Variants in FSTL5 observed in about 807,000 individuals in gnomAD.
FSTL5 encodes the protein follistatin-related protein 5.
In FSTL5, 62 loss-of-function variants were observed where a neutral mutation model predicts 89.1. The ratio of observed to expected loss-of-function variants is 0.70; its 90% CI spans 0.57 to 0.86. The LOEUF is 0.86. Among genes scored for constraint, FSTL5 ranks in the 40% least tolerant of loss-of-function variants. The probability of loss-of-function intolerance (pLI) is 0.00; values close to 1 mark genes in which losing one functional copy is unlikely to be tolerated. For synonymous variants in FSTL5, 383 were observed against 346.2 expected, an observed-to-expected ratio of 1.11 and a Z score of -1.18; for missense variants, 1,057 against 1,001.6, an observed-to-expected ratio of 1.06 and a Z score of -0.75.
intron 6 of FSTL5, among the ~76,000 whole-genome samples, chr4:161,729,465 T>C (rs1337314549): frequency 6.6e-6 from 1 of 152,160 alleles, no homozygotes; most frequent in Non-Finnish European, 1.5e-5. Flanking sequence ...CACTTCTGAA[T>C]GACTCTGCCC....
At chr4:161,605,326 T>C (rs1399099953) in intron 7 of FSTL5, among the ~76,000 whole-genome samples, 6 of 152,180 alleles carry the variant, frequency 3.9e-5, no homozygotes, top group Admixed American at 2.6e-4. Flanking sequence ...CTGAGCCACA[T>C]TGATACATTT....
In FSTL5 at chr4:162,159,128, TAAA is replaced by T. The variant is rs547404921; in HGVS notation, c.-17+4484_-17+4486del. Among the ~76,000 whole-genome samples the T allele has an allele frequency of 4.0e-4, 61 of 152,188 alleles. No homozygotes were observed. The East Asian group carries it at 9.3e-3, about 23-fold the overall frequency. On this transcript the variant is annotated intron_variant, in intron 1 of 15. Coordinates refer to ENST00000306100, the MANE Select transcript of FSTL5 (RefSeq NM_020116.5). Reference sequence around the variant, plus strand: ...ATTTACTTTTAGGGTTTTGGAATTTTAAAAATAATAATAACTCAAGAGACAAAA... The same window carrying T: ...ATTTACTTTTAGGGTTTTGGAATTTTAATAATAATAACTCAAGAGACAAAA...
At chr4:162,160,562 G>A (rs374600518) in intron 1 of FSTL5, among the ~76,000 whole-genome samples, 2 of 151,732 alleles carry the variant, frequency 1.3e-5, no homozygotes, top group South Asian at 2.1e-4. Context: ...TAAAAAATAC[G>A]AGAGATACTA....
chr4:161,847,417 G>C (rs890623409), intron 4 of FSTL5, among the ~76,000 whole-genome samples: 4 of 152,084 alleles, frequency 2.6e-5, no homozygotes, highest in African/African-American at 9.7e-5. Context: ...GCATACATGG[G>C]TTGGTTAAGT....
intron 1 of FSTL5, among the ~76,000 whole-genome samples, chr4:162,123,579 C>G (rs573181758): frequency 6.7e-6 from 1 of 150,220 alleles, no homozygotes; most frequent in African/African-American, 2.4e-5. Context: ...CGTTTGCTCA[C>G]TCAACTGAAG....
chr4:161,421,548 T>C (rs560745358), intron 15 of FSTL5, among the ~76,000 whole-genome samples: 2 of 152,042 alleles, frequency 1.3e-5, no homozygotes, highest in East Asian at 3.9e-4. Flanking sequence ...TGAAAAGGAG[T>C]GGACCTGTGA....
At chr4:162,110,396 T>C (rs1731388939) in intron 2 of FSTL5, among the ~76,000 whole-genome samples, 1 of 151,946 alleles carries the variant, frequency 6.6e-6, no homozygotes, top group Non-Finnish European at 1.5e-5. Context: ...TATTTGATAC[T>C]TACAAAATAA....
intron 4 of FSTL5, among the ~76,000 whole-genome samples, chr4:161,843,945 G>T (rs1392387782): frequency 6.6e-6 from 1 of 152,102 alleles, no homozygotes; most frequent in Admixed American, 6.6e-5. Context: ...ATTGACAAAT[G>T]GAATCTAATT....
At chr4:162,095,520 A>C (rs954145512) in intron 2 of FSTL5, among the ~76,000 whole-genome samples, 2 of 152,080 alleles carry the variant, frequency 1.3e-5, no homozygotes, top group African/African-American at 4.8e-5. Flanking sequence ...GAGGTGAATA[A>C]GGGACTTTAT....
At chr4:162,041,676 T>A (rs1029121933) in intron 2 of FSTL5, among the ~76,000 whole-genome samples, 22 of 151,992 alleles carry the variant, frequency 1.4e-4, no homozygotes, top group Non-Finnish European at 2.8e-4. Flanking sequence ...AGAGAACTTG[T>A]GATTGGGTTG....
chr4:161,510,422 C>A lies in FSTL5; in HGVS notation c.1315G>T (p.Ala439Ser). The A allele has an allele frequency of 6.5e-7, 1 of 1,531,836 alleles. No individual in the cohort carries two copies. Among genetic ancestry groups the A allele is most frequent in the South Asian group, 1.3e-5 (1 of 79,198 alleles). The allele number at this position is 1,531,836 out of a possible 1,614,324, so 94.9% of individuals were successfully genotyped here. ...FVEDSARKTL[A>S]NILWREEGLG... ...CCTTCTTCTCTCCATAATATGTTAG[C>A]TACTGCAGCATGTTGAAAGAAAAAG... Residue 439 changes from alanine to serine, a missense_variant and splice_region_variant, in exon 11 of 16, where the codon GCT becomes TCT. By Grantham distance (99) the Ala-to-Ser change is moderately conservative. This residue lies in a region of FSTL5 where 980 missense variants were observed against 903.2 expected (regional missense o/e 1.08). Coordinates refer to ENST00000306100, the MANE Select transcript of FSTL5 (RefSeq NM_020116.5).
chr4:161,874,029 G>A (rs1367077650), intron 4 of FSTL5, among the ~76,000 whole-genome samples: 1 of 151,972 alleles, frequency 6.6e-6, no homozygotes, highest in South Asian at 2.1e-4. Flanking sequence ...TTAGTATATG[G>A]AAGGTATTAT....
intron 4 of FSTL5, among the ~76,000 whole-genome samples, chr4:161,828,594 T>C (rs1730741334): frequency 6.6e-6 from 1 of 152,142 alleles, no homozygotes; most frequent in South Asian, 2.1e-4. Flanking sequence ...GAAAATGTCA[T>C]TGATGTTTTA....
chr4:162,162,551 C>T (rs568730856), intron 1 of FSTL5, among the ~76,000 whole-genome samples: 1 of 152,154 alleles, frequency 6.6e-6, no homozygotes, highest in Admixed American at 6.5e-5. Flanking sequence ...AACCATCACA[C>T]CTGTCAAAGT....
intron 2 of FSTL5, chr4:162,035,293 A>T (rs552425596): frequency 1.3e-5 from 2 of 152,248 alleles, no homozygotes; most frequent in Non-Finnish European, 2.9e-5. Context: ...CATAAATTTT[A>T]TTCAGAAAAG....
At chr4:162,004,580 A>T (rs1031883109) in intron 3 of FSTL5, among the ~76,000 whole-genome samples, 1 of 152,130 alleles carries the variant, frequency 6.6e-6, no homozygotes, top group African/African-American at 2.4e-5. Flanking sequence ...ATCATTTAGA[A>T]CTACTCAAAT....
chr4:161,621,267 TACACACACACACAC>T (rs146037793), intron 7 of FSTL5, among the ~76,000 whole-genome samples: 6 of 146,182 alleles, frequency 4.1e-5, no homozygotes, highest in African/African-American at 1.3e-4. Flanking sequence ...ATGTAAAGAC[TACACACACACACAC>T]ACACACACAC....
At chr4:161,795,450 G>T (rs1445200039) in intron 4 of FSTL5, among the ~76,000 whole-genome samples, 1 of 152,046 alleles carries the variant, frequency 6.6e-6, no homozygotes, top group Non-Finnish European at 1.5e-5. Context: ...TTCCTGAGCT[G>T]AATGAAATAA....
intron 3 of FSTL5, among the ~76,000 whole-genome samples, chr4:161,926,915 C>G (rs758330890): frequency 1.3e-5 from 2 of 151,744 alleles, no homozygotes; most frequent in Non-Finnish European, 2.9e-5. Flanking sequence ...TCCCTTAGAA[C>G]TACTTTAACA....
Sources: allele counts gnomAD v4.1 joint callset (sites outside exome capture counted in the v4.1 genomes callset), GRCh38; gene constraint gnomAD v4.1.1; regional missense constraint gnomAD v4.1.1; transcripts MANE v1.5; gene names NCBI Gene and HGNC (gene_info 2026-07-23, HGNC 2026-07-21).